The following RELN variants were observed in gnomAD, a reference collection of about 807,000 sequenced individuals.
The protein encoded by RELN is reelin.
Under a neutral mutation model 427.6 loss-of-function variants are expected in RELN, and 108 were observed. That is an observed-to-expected ratio of 0.25 (90% CI 0.22 to 0.30). The LOEUF (loss-of-function observed/expected upper bound fraction) is 0.30. Among genes scored for constraint, RELN ranks in the 10% least tolerant of loss-of-function variants. The probability of loss-of-function intolerance (pLI) is 1.00; values close to 1 mark genes in which losing one functional copy is unlikely to be tolerated. For missense variants in RELN, 3,715 were observed against 4,302.8 expected, an observed-to-expected ratio of 0.86 and a Z score of 3.82; for synonymous variants, 1,524 against 1,513.4, an observed-to-expected ratio of 1.01 and a Z score of -0.16.
At chr7:103,823,759 T>C (rs547643397) in intron 3 of RELN, among the ~76,000 whole-genome samples, 117 of 152,278 alleles carry the variant, frequency 7.7e-4, no homozygotes, top group African/African-American at 2.7e-3. Context: ...TTAATTATTG[T>C]ATCATACCAC....
chr7:103,811,049 C>T (rs1185023077), intron 3 of RELN, among the ~76,000 whole-genome samples: 1 of 152,104 alleles, frequency 6.6e-6, no homozygotes, highest in Non-Finnish European at 1.5e-5. Context: ...TTTGATTTGG[C>T]ATTAATGTTC....
chr7:103,853,036 A>G (rs539227379), intron 2 of RELN, among the ~76,000 whole-genome samples: 5 of 152,216 alleles, frequency 3.3e-5, no homozygotes, highest in Non-Finnish European at 5.9e-5. Flanking sequence ...CAATAATTTG[A>G]ATAATTTGGA....
At chr7:103,517,687 C>T (rs1829600182) in intron 49 of RELN, among the ~76,000 whole-genome samples, 1 of 152,098 alleles carries the variant, frequency 6.6e-6, no homozygotes. Flanking sequence ...CTCTGTACCA[C>T]TTAGCTTCTA....
At position 103,876,786 on chromosome 7, in the gene RELN, T is replaced by TC. The variant is rs1794489671; in HGVS notation, c.337+40288_337+40289insG. Reference sequence around the variant, plus strand: ...ACATGATAAAATGTCTGCTCTTTTTTTTAAAAAAAAGAATGAAAAACTCTT... The same window carrying TC: ...ACATGATAAAATGTCTGCTCTTTTTTCTTAAAAAAAAGAATGAAAAACTCTT... On this transcript the variant is annotated intron_variant, in intron 2 of 64. Transcript: ENST00000428762. Among the ~76,000 whole-genome samples, 6 of 151,758 alleles carry TC rather than the reference T, an allele frequency of 4.0e-5. No individual in the cohort carries two copies. The East Asian group carries it at 1.2e-3, about 29-fold the overall frequency.
intron 4 of RELN, among the ~76,000 whole-genome samples, chr7:103,771,020 T>A (rs1033260846): frequency 2.0e-5 from 3 of 150,788 alleles, no homozygotes; most frequent in Non-Finnish European, 4.4e-5. Flanking sequence ...GTTTAAGCGA[T>A]TCTCTTGTAC....
intron 3 of RELN, among the ~76,000 whole-genome samples, chr7:103,833,257 A>T (rs2116407761): frequency 1.3e-5 from 2 of 151,802 alleles, no homozygotes; most frequent in East Asian, 3.9e-4. Flanking sequence ...CACGTCCCCT[A>T]CCCTCCTGTC....
chr7:103,641,011 CA>C (rs929795795), intron 16 of RELN, among the ~76,000 whole-genome samples: 55 of 152,088 alleles, frequency 3.6e-4, no homozygotes, highest in Admixed American at 6.6e-4. Flanking sequence ...TCATTTCTAT[CA>C]GGGGAAAATC....
chr7:103,771,272 T>C (rs1178021549), intron 4 of RELN, among the ~76,000 whole-genome samples: 1 of 151,818 alleles, frequency 6.6e-6, no homozygotes, highest in Non-Finnish European at 1.5e-5. Flanking sequence ...CTATCCACCA[T>C]CCTCTCTGTT....
At chr7:103,797,434 G>C (rs1467541357) in intron 3 of RELN, among the ~76,000 whole-genome samples, 1 of 152,108 alleles carries the variant, frequency 6.6e-6, no homozygotes, top group African/African-American at 2.4e-5. Flanking sequence ...TGGAAAAGTT[G>C]CTAAGATTAG....
intron 6 of RELN, among the ~76,000 whole-genome samples, chr7:103,748,975 C>CA (rs1370032605): frequency 1.4e-4 from 21 of 152,090 alleles, no homozygotes; most frequent in Admixed American, 1.4e-3. Context: ...TATTTCCCCT[C>CA]AAAAATCCCA....
intron 20 of RELN, among the ~76,000 whole-genome samples, chr7:103,617,101 C>T (rs1024096623): frequency 5.3e-5 from 8 of 152,134 alleles, no homozygotes; most frequent in African/African-American, 1.7e-4. Context: ...CCTACACTCC[C>T]TTAATCTACA....
intron 8 of RELN, 41 bp downstream of exon 8, chr7:103,723,099 A>G (rs1345520921): frequency 7.6e-7 from 1 of 1,317,050 alleles, no homozygotes; most frequent in East Asian, 2.3e-5. Context: ...TAAAGCAAAC[A>G]TTTCCAAATT....
At chr7:103,742,206 C>T (rs1013854030) in intron 6 of RELN, among the ~76,000 whole-genome samples, 1 of 152,190 alleles carries the variant, frequency 6.6e-6, no homozygotes, top group African/African-American at 2.4e-5. Context: ...GCTAAGGGTC[C>T]TGTCTGTTAG....
At chr7:103,933,516 A>AGGGAGGGG (rs1795909839) in intron 1 of RELN, among the ~76,000 whole-genome samples, 1 of 60,930 alleles carries the variant, frequency 1.6e-5, no homozygotes, top group East Asian at 4.2e-4. Flanking sequence ...GGAGGGAGGG[A>AGGGAGGGG]GGGGAAGAGA....
intron 3 of RELN, among the ~76,000 whole-genome samples, chr7:103,787,631 CAAG>C (rs1264299403): frequency 3.3e-5 from 5 of 152,190 alleles, no homozygotes; most frequent in Middle Eastern, 3.4e-3. Context: ...AAGTCTAAAC[CAAG>C]AAGAAGTCAA....
rs540032963 is a variant in RELN at position 103,598,853 on chromosome 7, G to A, written c.3334-2192C>T. 7.2e-5 allele frequency among the ~76,000 whole-genome samples: 11 copies of A among 152,304 alleles called. No individual in the cohort carries two copies. In the South Asian group the frequency reaches 1.0e-3, roughly 14 times the overall value. On this transcript the variant is annotated intron_variant, in intron 24 of 64. Transcript: ENST00000428762. Reference sequence around the variant, plus strand: ...TTTTTGCCAGAATTCAGAATTCAATGTAACATATGCTTTGCAGTTTTTCTG... The same window carrying A: ...TTTTTGCCAGAATTCAGAATTCAATATAACATATGCTTTGCAGTTTTTCTG...
At chr7:103,537,463 C>T (rs969629098) in intron 45 of RELN, among the ~76,000 whole-genome samples, 2 of 152,178 alleles carry the variant, frequency 1.3e-5, no homozygotes, top group East Asian at 3.9e-4. Flanking sequence ...TCTTAAGGCC[C>T]TTCTTAATTT....
At chr7:103,944,883 G>A (rs1796187988) in intron 1 of RELN, among the ~76,000 whole-genome samples, 1 of 152,112 alleles carries the variant, frequency 6.6e-6, no homozygotes, top group Non-Finnish European at 1.5e-5. Context: ...GAGCCAACCA[G>A]TACCTTTGTG....
intron 1 of RELN, among the ~76,000 whole-genome samples, chr7:103,957,494 T>C (rs555657260): frequency 6.6e-6 from 1 of 152,318 alleles, no homozygotes; most frequent in Non-Finnish European, 1.5e-5. Flanking sequence ...TCTCGTATTA[T>C]AGAGAAACCA....
Sources: allele counts gnomAD v4.1 joint callset (sites outside exome capture counted in the v4.1 genomes callset), GRCh38; gene constraint gnomAD v4.1.1; transcripts MANE v1.5; gene names NCBI Gene and HGNC (gene_info 2026-07-23, HGNC 2026-07-21).